PEBP4: variants seen among roughly 807,000 people sequenced by gnomAD.
PEBP4 encodes phosphatidylethanolamine-binding protein 4.
A neutral mutation model predicts 23.9 loss-of-function variants in PEBP4; 22 were observed. That is an observed-to-expected ratio of 0.92 (90% CI 0.66 to 1.31). The LOEUF is 1.31. Among genes scored for constraint, PEBP4 ranks in the 40% most tolerant of loss-of-function variants. The pLI is 0.00. For synonymous variants in PEBP4, 112 were observed against 99.3 expected, an observed-to-expected ratio of 1.13 and a Z score of -0.76; for missense variants, 324 against 281.7, an observed-to-expected ratio of 1.15 and a Z score of -1.07.
intron 4 of PEBP4, among the ~76,000 whole-genome samples, chr8:22,788,360 G>T (rs115284446): frequency 0.018 from 2,816 of 152,224 alleles, 78 homozygotes; most frequent in African/African-American, 0.064. Context: ...GGGAGAAATG[G>T]CAAGTGCAGC....
chr8:22,824,556 T>TTTA (rs1261630062), intron 3 of PEBP4, among the ~76,000 whole-genome samples: 3 of 152,222 alleles, frequency 2.0e-5, no homozygotes, highest in African/African-American at 7.2e-5. Flanking sequence ...GCACTTTATT[T>TTTA]TTATTATTAT....
chr8:22,872,919 C>T (rs1483339002), intron 3 of PEBP4, among the ~76,000 whole-genome samples: 16 of 152,202 alleles, frequency 1.1e-4, no homozygotes, highest in Admixed American at 9.2e-4. Flanking sequence ...TCAGGTGATC[C>T]GCCCGCCTCG....
intron 6 of PEBP4, 142 bp from the exon 7 acceptor site, chr8:22,713,678 G>A (rs999635629): frequency 1.2e-5 from 14 of 1,181,660 alleles, no homozygotes; most frequent in Admixed American, 2.4e-5. Flanking sequence ...GGCTGGGGGA[G>A]CTTCCGGCTC....
chr8:22,899,898 G>A lies in PEBP4; in HGVS notation c.258+20286C>T, dbSNP rs568649521. On this transcript the variant is annotated intron_variant, in intron 3 of 6. Coordinates refer to ENST00000256404, the MANE Select transcript of PEBP4 (RefSeq NM_144962.3). ...TGTTATGCATGAGGAGATCAAGAACGTGGAGAGGTTAACCCTTCTCACCCG... is the reference window on the plus strand; with the variant it reads ...TGTTATGCATGAGGAGATCAAGAACATGGAGAGGTTAACCCTTCTCACCCG... Among the ~76,000 whole-genome samples the A allele has an allele frequency of 9.3e-5, 14 of 150,810 alleles. 2 individuals carry two copies. In the South Asian group the frequency reaches 2.7e-3, roughly 29 times the overall value.
chr8:22,930,138 G>A (rs190521114), upstream of PEBP4, among the ~76,000 whole-genome samples: 5 of 152,240 alleles, frequency 3.3e-5, no homozygotes, highest in East Asian at 1.9e-4. Flanking sequence ...AATACCCTGC[G>A]AGATCAGGCT....
intron 3 of PEBP4, among the ~76,000 whole-genome samples, chr8:22,889,657 CCGTA>C (rs1808452200): frequency 2.7e-5 from 4 of 150,558 alleles, no homozygotes; most frequent in African/African-American, 4.9e-5. Flanking sequence ...ATAGCATCTA[CCGTA>C]TGTTTTTATA....
At chr8:22,731,737 C>T (rs1309640926) in intron 4 of PEBP4, among the ~76,000 whole-genome samples, 2 of 151,884 alleles carry the variant, frequency 1.3e-5, no homozygotes, top group Non-Finnish European at 2.9e-5. Flanking sequence ...CGGCTCACTG[C>T]AACCTCTGCC....
At chr8:22,851,154 C>T (rs1807541349) in intron 3 of PEBP4, among the ~76,000 whole-genome samples, 1 of 152,194 alleles carries the variant, frequency 6.6e-6, no homozygotes, top group Non-Finnish European at 1.5e-5. Flanking sequence ...GTCTCCACTC[C>T]TTTCCTCTCC....
chr8:22,817,842 C>A, intron 3 of PEBP4, 107 bp from the exon 4 acceptor site: 2 of 962,720 alleles, frequency 2.1e-6, no homozygotes, highest in South Asian at 1.4e-5. Context: ...GGCTGAGTAG[C>A]CCCTATGGCG....
intron 3 of PEBP4, among the ~76,000 whole-genome samples, chr8:22,830,145 G>GTGTGTGTGTGTGTT (rs1488420750): frequency 6.6e-6 from 1 of 150,862 alleles, no homozygotes; most frequent in African/African-American, 2.4e-5. Context: ...GTGTGTGTGT[G>GTGTGTGTGTGTGTT]TTTTTACGGA....
chr8:22,806,111 C>T (rs974774299), intron 4 of PEBP4, among the ~76,000 whole-genome samples: 2 of 152,304 alleles, frequency 1.3e-5, no homozygotes, highest in African/African-American at 2.4e-5. Flanking sequence ...CCTCATGAAC[C>T]TCTGACATGC....
rs1336107636 is a variant in PEBP4, at chr8:22,729,478, C to G, written c.358-2258G>C. 2.0e-5 allele frequency among the ~76,000 whole-genome samples: 3 copies of G among 152,236 alleles called. No homozygotes were observed. In the East Asian group the frequency reaches 5.8e-4, roughly 29 times the overall value. On this transcript the variant is annotated intron_variant, in intron 4 of 6. Coordinates refer to ENST00000256404, the MANE Select transcript of PEBP4 (RefSeq NM_144962.3). ...GGGTGGGGGCCAGGGCCAGTCAGATCAGGGAGCTGGTTTGTGCAGAGCTGC... is the reference window on the plus strand; with the variant it reads ...GGGTGGGGGCCAGGGCCAGTCAGATGAGGGAGCTGGTTTGTGCAGAGCTGC...
In PEBP4 at chr8:22,860,196, A is replaced by G. The variant is rs1055212850; in HGVS notation, c.259-42461T>C. On this transcript the variant is annotated intron_variant, in intron 3 of 6. Transcript: ENST00000256404. ...TATATATATACACATATATATGTAT[A>G]TATATATATACACATATATGTATAT... Among the ~76,000 whole-genome samples the G allele has an allele frequency of 3.8e-3, 202 of 52,698 alleles. 2 individuals carry two copies. Among genetic ancestry groups the G allele is most frequent in the African/African-American group, 7.3e-3 (185 of 25,244 alleles). 34.6% of individuals were successfully genotyped at this position (52,698 alleles called of 152,430 possible).
At chr8:22,815,863 T>C (rs1806730322) in intron 4 of PEBP4, among the ~76,000 whole-genome samples, 2 of 152,158 alleles carry the variant, frequency 1.3e-5, no homozygotes, top group Non-Finnish European at 2.9e-5. Flanking sequence ...TCGGGGGTCT[T>C]CAGGCTTGGA....
chr8:22,856,874 A>C (rs1485281541), intron 3 of PEBP4, among the ~76,000 whole-genome samples: 4 of 152,140 alleles, frequency 2.6e-5, no homozygotes, highest in Admixed American at 2.0e-4. Flanking sequence ...AATTATTTAT[A>C]ATAGTGAAAG....
At chr8:22,887,619 G>A (rs1808410214) in intron 3 of PEBP4, 1 of 151,958 alleles carries the variant, frequency 6.6e-6, no homozygotes, top group African/African-American at 2.4e-5. Context: ...TTAAACATCA[G>A]CCGTGTGTGA....
chr8:22,812,063 C>T (rs936077655), intron 4 of PEBP4, among the ~76,000 whole-genome samples: 2 of 152,202 alleles, frequency 1.3e-5, no homozygotes, highest in African/African-American at 4.8e-5. Flanking sequence ...AACTGAGCCT[C>T]AGAGGCTTCT....
intron 3 of PEBP4, among the ~76,000 whole-genome samples, chr8:22,850,602 G>A (rs1807532244): frequency 6.6e-6 from 1 of 152,180 alleles, no homozygotes. Flanking sequence ...GCTAGAAAGA[G>A]CAGGGGCTAT....
intron 3 of PEBP4, among the ~76,000 whole-genome samples, chr8:22,877,000 A>G (rs1002490644): frequency 2.0e-5 from 3 of 152,200 alleles, no homozygotes; most frequent in South Asian, 2.1e-4. Context: ...ATTTCATAGC[A>G]TGATGCTTGG....
Sources: allele counts gnomAD v4.1 joint callset (sites outside exome capture counted in the v4.1 genomes callset), GRCh38; gene constraint gnomAD v4.1.1; transcripts MANE v1.5; gene names NCBI Gene and HGNC (gene_info 2026-07-23, HGNC 2026-07-21).